NSUN4: variants seen among roughly 807,000 people sequenced by gnomAD.
NSUN4 encodes the protein NOP2/Sun RNA methyltransferase 4, also known as 5-cytosine rRNA methyltransferase NSUN4.
A neutral mutation model predicts 43.8 loss-of-function variants in NSUN4; 31 were observed. That is an observed-to-expected ratio of 0.71 (90% CI 0.53 to 0.96). The LOEUF (loss-of-function observed/expected upper bound fraction) is 0.96, where lower values mean the gene tolerates loss of function less well. NSUN4 is among the 40% of genes least tolerant of loss of function. The pLI is 0.00. For synonymous variants in NSUN4, 167 were observed against 184.1 expected (o/e 0.91, Z 0.75); for missense variants, 439 against 475.6 (o/e 0.92, Z 0.72).
intron 1 of NSUN4, chr1:46,341,730 C>T (rs1398773578): frequency 6.5e-6 from 8 of 1,231,394 alleles, no homozygotes; most frequent in Admixed American, 4.2e-5. Flanking sequence ...CTGCCGCTAG[C>T]CCTGCCACTC....
intron 3 of NSUN4, among the ~76,000 whole-genome samples, chr1:46,350,668 A>T (rs1475390): frequency 4.6e-5 from 7 of 152,146 alleles, no homozygotes; most frequent in African/African-American, 7.2e-5. Context: ...TAGAAAACCT[A>T]ACTAATTGGC....
chr1:46,342,606 T>C, intron 1 of NSUN4: 1 of 399,594 alleles, frequency 2.5e-6, no homozygotes, highest in East Asian at 3.6e-5. Context: ...TGGTCCCCCC[T>C]GTTCCCAGGA....
rs1662047257 is a variant in NSUN4, at chr1:46,340,912, A to G, written c.86A>G (p.Lys29Arg). Residue 29 changes from lysine to arginine, a missense_variant, in exon 1 of 6, where the codon AAG (lysine) becomes AGG (arginine). Physicochemically the swap from Lys to Arg is conservative, Grantham distance 26. Transcript: ENST00000474844. ...ATVPRRHRYK[K>R]KWAATEPKFP... The stretch of plus-strand genomic sequence containing the variant: ...GTCCCGCGGAGACATCGATATAAGA[A>G]GAAATGGGTAAGGTCCGGCTGGGGG... 1.1e-5 allele frequency: 17 copies of G among 1,612,972 alleles called. No individual in the cohort carries two copies. The highest frequency in any genetic ancestry group is 1.4e-5 in the Non-Finnish European group (16 of 1,179,476).
intron 2 of NSUN4, among the ~76,000 whole-genome samples, chr1:46,346,436 C>CAAGT (rs1343781650): frequency 1.3e-5 from 2 of 151,140 alleles, no homozygotes; most frequent in Admixed American, 1.3e-4. Context: ...CCTGTAATCC[C>CAAGT]AGCTACTTGG....
the NSUN4 span, among the ~76,000 whole-genome samples, chr1:46,375,641 G>T: frequency 6.6e-6 from 1 of 151,112 alleles, no homozygotes; most frequent in Non-Finnish European, 1.5e-5. Flanking sequence ...GAAGGCTGAG[G>T]TGGGAGGATG....
the NSUN4 span, among the ~76,000 whole-genome samples, chr1:46,371,605 C>T: frequency 6.6e-6 from 1 of 152,120 alleles, no homozygotes; most frequent in Non-Finnish European, 1.5e-5. Context: ...CGTGCTCAGC[C>T]TAATTTTTGT....
downstream of NSUN4, among the ~76,000 whole-genome samples, chr1:46,367,905 C>T (rs1219370650): frequency 6.6e-6 from 1 of 151,040 alleles, no homozygotes; most frequent in Non-Finnish European, 1.5e-5. Context: ...GCTGGGACTA[C>T]AGGCACATGC....
chr1:46,341,623 C>A, intron 1 of NSUN4: 1 of 1,220,716 alleles, frequency 8.2e-7, no homozygotes, highest in Non-Finnish European at 1.0e-6. Flanking sequence ...CAGCCGATTC[C>A]CTCGCCACCT....
At chr1:46,370,858 CA>C in the NSUN4 span, 2 of 152,458 alleles carry the variant, frequency 1.3e-5, no homozygotes, top group South Asian at 4.1e-4. Context: ...TTCCGGGACA[CA>C]CAGACAGATC....
chr1:46,383,471 T>C, the NSUN4 span, among the ~76,000 whole-genome samples: 21 of 144,466 alleles, frequency 1.5e-4, no homozygotes, highest in African/African-American at 4.5e-4. Context: ...TTTTTTTTTT[T>C]CCGAGATGGA....
chr1:46,380,081 A>T, the NSUN4 span, among the ~76,000 whole-genome samples: 1 of 152,146 alleles, frequency 6.6e-6, no homozygotes, highest in Admixed American at 6.5e-5. Context: ...GGAAATGAAG[A>T]AGCAGAGCAT....
At position 46,340,910 on chromosome 1, in the gene NSUN4, G is replaced by A; in HGVS notation, c.84G>A (p.Lys28=). ...LATVPRRHRY[K]KKWAATEPKF... ...CGGTCCCGCGGAGACATCGATATAAGAAGAAATGGGTAAGGTCCGGCTGGG... is the reference window on the plus strand; with the variant it reads ...CGGTCCCGCGGAGACATCGATATAAAAAGAAATGGGTAAGGTCCGGCTGGG... Residue 28 remains lysine (K), a synonymous_variant, in exon 1 of 6, where the codon AAG becomes AAA. Coordinates refer to ENST00000474844, the MANE Select transcript of NSUN4 (RefSeq NM_199044.4). 6.2e-7 allele frequency: 1 copy of A among 1,613,146 alleles called. No individual in the cohort carries two copies.
At chr1:46,377,839 C>T in the NSUN4 span, among the ~76,000 whole-genome samples, 7 of 152,166 alleles carry the variant, frequency 4.6e-5, no homozygotes, top group South Asian at 2.1e-4. Context: ...ATTCAGGTAC[C>T]GAGTAAAGAA....
chr1:46,358,830 A>G (rs962190081), intron 4 of NSUN4, among the ~76,000 whole-genome samples: 3 of 152,194 alleles, frequency 2.0e-5, no homozygotes, highest in African/African-American at 4.8e-5. Context: ...TTAATTCTAC[A>G]TTGGATAATT....
At chr1:46,375,320 AG>A in the NSUN4 span, among the ~76,000 whole-genome samples, 4 of 151,934 alleles carry the variant, frequency 2.6e-5, no homozygotes, top group Non-Finnish European at 5.9e-5. Flanking sequence ...TTGTAATCCC[AG>A]CTACTCGGGA....
chr1:46,344,937 TC>T lies in NSUN4; in HGVS notation c.231del (p.Asn78IlefsTer9), dbSNP rs1436994503. The T allele has an allele frequency of 5.0e-6, 8 of 1,614,208 alleles. No individual in the cohort carries two copies. The highest frequency in any genetic ancestry group is 5.1e-6 in the Non-Finnish European group (6 of 1,180,032). On this transcript the variant is annotated frameshift_variant, in exon 2 of 6. Coordinates refer to ENST00000474844, the MANE Select transcript of NSUN4 (RefSeq NM_199044.4). LOFTEE classifies it high-confidence loss of function. The stretch of plus-strand genomic sequence containing the variant: ...TCAGAGCAGAAGTATGGTGCACTGG[TC>T]AATAACTTTGCTGCCTGGGATCATG... Reference protein sequence around the residue: ...LLSEQKYGALVNNFAAWDHVS... With the variant: ...LLSEQKYGALXNNFAAWDHVS...
the NSUN4 span, among the ~76,000 whole-genome samples, chr1:46,371,181 G>T: frequency 6.6e-6 from 1 of 150,388 alleles, no homozygotes; most frequent in African/African-American, 2.5e-5. Flanking sequence ...TTGTTGCCCA[G>T]GCTGGAGTGC....
chr1:46,341,925 G>A (rs10489770), intron 1 of NSUN4: 153,365 of 1,232,722 alleles, frequency 0.12, 10,058 homozygotes, highest in Admixed American at 0.22. Context: ...TTCAGCTTTT[G>A]GAACCAGCCC....
At chr1:46,380,096 T>G in the NSUN4 span, among the ~76,000 whole-genome samples, 1 of 152,156 alleles carries the variant, frequency 6.6e-6, no homozygotes, top group African/African-American at 2.4e-5. Context: ...GAGCATTTAC[T>G]GCTCCCATCC....
Sources: allele counts gnomAD v4.1 joint callset (sites outside exome capture counted in the v4.1 genomes callset), GRCh38; gene constraint gnomAD v4.1.1; transcripts MANE v1.5; gene names NCBI Gene and HGNC (gene_info 2026-07-23, HGNC 2026-07-21).